Variants in TENM4 observed in about 807,000 individuals in gnomAD.
The protein encoded by TENM4 is teneurin-4.
A neutral mutation model predicts 243.3 loss-of-function variants in TENM4; 82 were observed. The observed-to-expected ratio is 0.34, with a 90% CI of 0.28 to 0.40. TENM4 has a LOEUF of 0.40. Among genes scored for constraint, TENM4 ranks in the 10% least tolerant of loss-of-function variants. The pLI is 1.00. For synonymous variants in TENM4, 1,412 were observed against 1,456.3 expected, an observed-to-expected ratio of 0.97 and a Z score of 0.69; for missense variants, 3,138 against 3,673.3, an observed-to-expected ratio of 0.85 and a Z score of 3.77.
At chr11:78,963,892 AT>A (rs368396117) in intron 6 of TENM4, among the ~76,000 whole-genome samples, 2,741 of 139,148 alleles carry the variant, frequency 0.02, 73 homozygotes, top group African/African-American at 0.059. Flanking sequence ...CCACCTGCCT[AT>A]TTTTTTTTTC....
intron 6 of TENM4, among the ~76,000 whole-genome samples, chr11:79,013,230 A>T (rs1351117556): frequency 1.3e-5 from 2 of 152,116 alleles, no homozygotes; most frequent in Non-Finnish European, 2.9e-5. Context: ...AACACCAGCC[A>T]CCAGACTATC....
intron 6 of TENM4, among the ~76,000 whole-genome samples, chr11:79,030,175 T>A (rs1245183009): frequency 1.3e-5 from 2 of 152,186 alleles, no homozygotes; most frequent in Admixed American, 1.3e-4. Flanking sequence ...TTGACTGAGC[T>A]TTTCATGTAC....
At chr11:79,099,902 A>G (rs2510134) in intron 4 of TENM4, among the ~76,000 whole-genome samples, 30,134 of 152,020 alleles carry the variant, frequency 0.2, 3,589 homozygotes, top group East Asian at 0.47. Flanking sequence ...ACAGCTGTGG[A>G]GCTTTTTGTT....
At chr11:78,985,127 G>A (rs1254499792) in intron 6 of TENM4, among the ~76,000 whole-genome samples, 1 of 152,172 alleles carries the variant, frequency 6.6e-6, no homozygotes, top group African/African-American at 2.4e-5. Context: ...AATTAAATGA[G>A]TTAATACATG....
At chr11:79,233,567 A>G (rs1864408611) in intron 2 of TENM4, among the ~76,000 whole-genome samples, 1 of 152,154 alleles carries the variant, frequency 6.6e-6, no homozygotes, top group Admixed American at 6.5e-5. Context: ...TGGTTTCCAG[A>G]TGGAGCAGAA....
chr11:79,075,020 C>T (rs1860504382), intron 4 of TENM4, among the ~76,000 whole-genome samples: 1 of 152,228 alleles, frequency 6.6e-6, no homozygotes, highest in Non-Finnish European at 1.5e-5. Flanking sequence ...GAACTGTTTC[C>T]TGTTAGGATC....
chr11:78,857,709 A>C (rs1353885484), intron 10 of TENM4, among the ~76,000 whole-genome samples: 1 of 152,226 alleles, frequency 6.6e-6, no homozygotes, highest in Non-Finnish European at 1.5e-5. Context: ...TATGGAAGGA[A>C]TGTACTTCAG....
chr11:79,224,769 G>A (rs2135246512), intron 2 of TENM4, among the ~76,000 whole-genome samples: 2 of 152,262 alleles, frequency 1.3e-5, no homozygotes, highest in East Asian at 3.9e-4. Flanking sequence ...TGGCCAACAT[G>A]GCAAAACCCT....
chr11:79,252,379 C>T (rs1040469965), intron 2 of TENM4, among the ~76,000 whole-genome samples: 22 of 152,152 alleles, frequency 1.4e-4, no homozygotes, highest in Admixed American at 1.1e-3. Flanking sequence ...GGATTACAGG[C>T]GCTCACCACC....
intron 4 of TENM4, among the ~76,000 whole-genome samples, chr11:79,082,947 A>G (rs1860711528): frequency 1.3e-5 from 2 of 152,154 alleles, no homozygotes; most frequent in African/African-American, 2.4e-5. Flanking sequence ...GGCAACTTTT[A>G]TTTCAATAAT....
At position 78,717,537 on chromosome 11, in the gene TENM4, G is replaced by A. The variant is rs1279029434; in HGVS notation, c.3821+2833C>T. On this transcript the variant is annotated intron_variant, in intron 25 of 33. Transcript: ENST00000278550. ...ACTTCTATAGCCTCAGTTTTCTGAA[G>A]CTGAGAAATGGGGATAGTCACACCT... 3.9e-5 allele frequency among the ~76,000 whole-genome samples: 6 copies of A among 152,244 alleles called. No homozygotes were observed. The East Asian group carries it at 1.2e-3, about 29-fold the overall frequency.
intron 4 of TENM4, among the ~76,000 whole-genome samples, chr11:79,111,867 G>A (rs777881111): frequency 1.3e-5 from 2 of 152,216 alleles, no homozygotes; most frequent in African/African-American, 4.8e-5. Flanking sequence ...GAGAGGAGAC[G>A]TGGGTGAATC....
chr11:79,273,473 G>A (rs915480085), intron 2 of TENM4, among the ~76,000 whole-genome samples: 1 of 152,180 alleles, frequency 6.6e-6, no homozygotes. Context: ...GATAAAGAAA[G>A]AAATGGCTAT....
At chr11:78,852,479 G>A (rs971240601) in intron 12 of TENM4, among the ~76,000 whole-genome samples, 3 of 152,102 alleles carry the variant, frequency 2.0e-5, no homozygotes, top group Admixed American at 6.5e-5. Flanking sequence ...GAGCCCAAGA[G>A]TTTGACCAGC....
At chr11:79,305,264 T>A (rs146520709) in intron 1 of TENM4, among the ~76,000 whole-genome samples, 1,907 of 152,354 alleles carry the variant, frequency 0.013, 23 homozygotes, top group Non-Finnish European at 0.02. Flanking sequence ...AAAGTGAAGA[T>A]CTTTATGCCA....
intron 3 of TENM4, among the ~76,000 whole-genome samples, chr11:79,164,752 A>G (rs1454927524): frequency 2.0e-5 from 3 of 151,614 alleles, no homozygotes; most frequent in Non-Finnish European, 4.4e-5. Context: ...AAGTCTCACA[A>G]GATCTGATGG....
chr11:79,315,851 C>A (rs987102690), intron 1 of TENM4, among the ~76,000 whole-genome samples: 31 of 152,142 alleles, frequency 2.0e-4, no homozygotes, highest in Non-Finnish European at 8.8e-5. Flanking sequence ...AAAAGAATAA[C>A]AAATGTTAGA....
rs140433633 is a variant in TENM4 at position 78,879,153 on chromosome 11, C to T, written c.1084+10632G>A. 2.5e-3 allele frequency among the ~76,000 whole-genome samples: 374 copies of T among 150,830 alleles called. 5 individuals carry two copies. Among genetic ancestry groups the T allele is most frequent in the Middle Eastern group, 0.01 (3 of 292 alleles). The stretch of plus-strand genomic sequence containing the variant: ...GGAAGTGAGGAGCACCTCTGCCCGG[C>T]CACCCCGTCTGGGATGTGAGGAGCG... On this transcript the variant is annotated intron_variant, in intron 9 of 33. Transcript: ENST00000278550.
intron 3 of TENM4, among the ~76,000 whole-genome samples, chr11:79,168,347 G>C (rs1183494156): frequency 6.6e-6 from 1 of 152,172 alleles, no homozygotes. Context: ...GGAAAGCAGA[G>C]AGGGTTGTGG....
Sources: allele counts gnomAD v4.1 joint callset (sites outside exome capture counted in the v4.1 genomes callset), GRCh38; gene constraint gnomAD v4.1.1; transcripts MANE v1.5; gene names NCBI Gene and HGNC (gene_info 2026-07-23, HGNC 2026-07-21).